KDM4C: variants seen among roughly 807,000 people sequenced by gnomAD.
KDM4C encodes the protein lysine-specific demethylase 4C.
KDM4C carries 81 observed loss-of-function variants against 129.3 expected under a neutral mutation model. The observed-to-expected ratio is 0.63, with a 90% CI of 0.52 to 0.75. The LOEUF (loss-of-function observed/expected upper bound fraction) is 0.75, where lower values mean the gene tolerates loss of function less well. KDM4C is among the 30% of genes least tolerant of loss of function. The probability of loss-of-function intolerance (pLI) is 0.00; values close to 1 mark genes in which losing one functional copy is unlikely to be tolerated. For missense variants in KDM4C, 1,457 were observed against 1,304.0 expected, an observed-to-expected ratio of 1.12 and a Z score of -1.81; for synonymous variants, 573 against 456.1, an observed-to-expected ratio of 1.26 and a Z score of -3.26.
At chr9:7,169,768 T>A in intron 20 of KDM4C, 30 bp from the exon 21 acceptor site, 3 of 1,555,282 alleles carry the variant, frequency 1.9e-6, no homozygotes, top group Non-Finnish European at 2.6e-6. Flanking sequence ...GTTTTTTTAA[T>A]ATGTATCATG....
intron 19 of KDM4C, among the ~76,000 whole-genome samples, chr9:7,132,668 T>C (rs960342471): frequency 3.3e-5 from 5 of 152,242 alleles, no homozygotes; most frequent in Admixed American, 2.6e-4. Flanking sequence ...GCATGAAAGT[T>C]GCCCACCTGA....
At chr9:6,763,054 T>C (rs1330953890) in intron 1 of KDM4C, among the ~76,000 whole-genome samples, 1 of 150,944 alleles carries the variant, frequency 6.6e-6, no homozygotes, top group South Asian at 2.1e-4. Flanking sequence ...GGATGGGGGG[T>C]AGAGGGGGCG....
intron 15 of KDM4C, among the ~76,000 whole-genome samples, chr9:7,045,882 G>A (rs1829319551): frequency 6.6e-6 from 1 of 152,012 alleles, no homozygotes; most frequent in African/African-American, 2.4e-5. Flanking sequence ...CTCATTAATA[G>A]TAGATCAGTT....
chr9:6,773,574 C>G (rs1402747058), intron 1 of KDM4C, among the ~76,000 whole-genome samples: 1 of 152,004 alleles, frequency 6.6e-6, no homozygotes, highest in Non-Finnish European at 1.5e-5. Context: ...AGTTCGAGAC[C>G]AGCCTGATCA....
chr9:7,021,596 C>T (rs1824872245), intron 15 of KDM4C, among the ~76,000 whole-genome samples: 2 of 152,166 alleles, frequency 1.3e-5, no homozygotes, highest in South Asian at 2.1e-4. Flanking sequence ...CAAATGTTTT[C>T]TCCCTTTCTG....
intron 8 of KDM4C, among the ~76,000 whole-genome samples, chr9:6,948,965 G>A (rs1289104852): frequency 1.3e-5 from 2 of 150,542 alleles, no homozygotes; most frequent in East Asian, 1.9e-4. Context: ...AACCGCCATC[G>A]TCATCATGGC....
rs1563914882 is a variant in KDM4C, at chr9:6,731,673, G to A, written c.49+10676G>A. On this transcript the variant is annotated intron_variant, in intron 1 of 17. Coordinates refer to the KDM4C transcript ENST00000536108. Reference sequence around the variant, plus strand: ...GTTTGGTTTGGTCTGTTGGGGCCTAGCGCATGAGCTCAGTTCAAAACAATG... The same window carrying A: ...GTTTGGTTTGGTCTGTTGGGGCCTAACGCATGAGCTCAGTTCAAAACAATG... Among the ~76,000 whole-genome samples the A allele has an allele frequency of 1.3e-5, 2 of 152,074 alleles. 1 individual carries two copies. Among genetic ancestry groups the A allele is most frequent in the African/African-American group, 4.8e-5 (2 of 41,414 alleles).
chr9:7,113,195 A>C lies in KDM4C; in HGVS notation c.2610+9325A>C, dbSNP rs780648441. ...ACCTGAATCTGATCGATATTCCTAAATCTAACACACATTTTTTAAAAGAAA... is the reference window on the plus strand; with the variant it reads ...ACCTGAATCTGATCGATATTCCTAACTCTAACACACATTTTTTAAAAGAAA... On this transcript the variant is annotated intron_variant, in intron 18 of 21. Coordinates refer to ENST00000381309, the MANE Select transcript of KDM4C (RefSeq NM_015061.6). Among the ~76,000 whole-genome samples, 115 of 152,186 alleles carry C rather than the reference A, an allele frequency of 7.6e-4. 1 individual carries two copies. Among genetic ancestry groups the C allele is most frequent in the Non-Finnish European group, 2.9e-4 (20 of 68,030 alleles).
intron 1 of KDM4C, among the ~76,000 whole-genome samples, chr9:6,730,364 C>A (rs1323652995): frequency 6.6e-6 from 1 of 152,082 alleles, no homozygotes; most frequent in African/African-American, 2.4e-5. Flanking sequence ...GCCTGTAATT[C>A]CAGCACTTTC....
At chr9:6,865,830 A>C (rs571744894) in intron 5 of KDM4C, among the ~76,000 whole-genome samples, 2 of 151,948 alleles carry the variant, frequency 1.3e-5, no homozygotes, top group East Asian at 3.9e-4. Context: ...TGCTCACTGC[A>C]AGCTCTGCTT....
chr9:7,095,147 T>G (rs1423230513), intron 17 of KDM4C, among the ~76,000 whole-genome samples: 1 of 152,268 alleles, frequency 6.6e-6, no homozygotes, highest in Non-Finnish European at 1.5e-5. Flanking sequence ...AACTCACTTG[T>G]GGGACACAAT....
upstream of KDM4C, chr9:6,757,760 T>C: frequency 1.0e-6 from 1 of 985,626 alleles, no homozygotes; most frequent in Non-Finnish European, 1.2e-6. Context: ...TTTCTCCTTC[T>C]ACGCGAGTAT....
chr9:6,938,840 C>G (rs1163820719), intron 8 of KDM4C, among the ~76,000 whole-genome samples: 1 of 144,178 alleles, frequency 6.9e-6, no homozygotes, highest in Non-Finnish European at 1.6e-5. Flanking sequence ...ATTTATTTTT[C>G]AGATACACTA....
intron 2 of KDM4C, among the ~76,000 whole-genome samples, chr9:6,805,238 G>A (rs540483609): frequency 1.3e-5 from 2 of 152,184 alleles, no homozygotes; most frequent in Non-Finnish European, 2.9e-5. Context: ...TAATCGCTCA[G>A]TGTGAATTCA....
chr9:6,903,962 G>A (rs1006383738), intron 8 of KDM4C, among the ~76,000 whole-genome samples: 9 of 151,872 alleles, frequency 5.9e-5, no homozygotes, highest in African/African-American at 1.9e-4. Context: ...TTCATTAGCC[G>A]GGCGCGGTGG....
intron 1 of KDM4C, among the ~76,000 whole-genome samples, chr9:6,764,672 T>G (rs959264353): frequency 6.6e-6 from 1 of 152,240 alleles, no homozygotes; most frequent in African/African-American, 2.4e-5. Context: ...TATGAACTGC[T>G]ACTGCATAAA....
chr9:6,986,563 C>T lies in KDM4C; in HGVS notation c.1574C>T (p.Thr525Ile), dbSNP rs147283775. The T allele has an allele frequency of 2.5e-6, 4 of 1,614,018 alleles. No homozygotes were observed. Among genetic ancestry groups the T allele is most frequent in the East Asian group, 2.2e-5 (1 of 44,868 alleles). The stretch of plus-strand genomic sequence containing the variant: ...GTGGCAGAGAGTAATGGTGTGTTAA[C>T]AGAGGGAGAAGAGAGTGATGTGGAG... ...SSVAESNGVL[T>I]EGEESDVESH... Residue 525 changes from threonine to isoleucine, a missense_variant, in exon 11 of 22, where the codon ACA (threonine) becomes ATA (isoleucine). Thr to Ile is a moderately conservative substitution (Grantham distance 89). Transcript: ENST00000381309.
At chr9:6,873,937 A>C (rs1010054066) in intron 5 of KDM4C, among the ~76,000 whole-genome samples, 3 of 123,504 alleles carry the variant, frequency 2.4e-5, no homozygotes, top group Non-Finnish European at 5.3e-5. Flanking sequence ...AGAGTGAGAG[A>C]GAGCGAGAGA....
At chr9:6,969,833 A>G (rs818901) in intron 8 of KDM4C, among the ~76,000 whole-genome samples, 41,480 of 152,140 alleles carry the variant, frequency 0.27, 6,491 homozygotes, top group South Asian at 0.41. Context: ...CTATGGGTAA[A>G]CATTCTCTGG....
Sources: allele counts gnomAD v4.1 joint callset (sites outside exome capture counted in the v4.1 genomes callset), GRCh38; gene constraint gnomAD v4.1.1; transcripts MANE v1.5; gene names NCBI Gene and HGNC (gene_info 2026-07-23, HGNC 2026-07-21).